Variants in DPP10 observed in about 807,000 individuals in gnomAD.
DPP10 encodes the protein inactive dipeptidyl peptidase 10.
A neutral mutation model predicts 120.9 loss-of-function variants in DPP10; 33 were observed. The observed-to-expected ratio is 0.27, with a 90% CI of 0.21 to 0.37. The LOEUF is 0.37. Among genes scored for constraint, DPP10 ranks in the 10% least tolerant of loss-of-function variants. The pLI, the probability that DPP10 is intolerant of heterozygous loss-of-function variation, is 1.00. For missense variants in DPP10, 816 were observed against 942.8 expected, an observed-to-expected ratio of 0.87 and a Z score of 1.76; for synonymous variants, 337 against 326.1, an observed-to-expected ratio of 1.03 and a Z score of -0.36.
At chr2:114,677,072 T>G (rs1411080948) in intron 1 of DPP10, among the ~76,000 whole-genome samples, 1 of 152,116 alleles carries the variant, frequency 6.6e-6, no homozygotes, top group Non-Finnish European at 1.5e-5. Context: ...GTCAATAATC[T>G]TAGCTACTAA....
chr2:114,535,162 C>A (rs1051216814), intron 1 of DPP10, among the ~76,000 whole-genome samples: 2 of 151,460 alleles, frequency 1.3e-5, no homozygotes, highest in African/African-American at 4.8e-5. Flanking sequence ...ATGTGTTTAA[C>A]CTGTCATCTT....
At chr2:114,456,036 G>T (rs1037409987) in intron 1 of DPP10, among the ~76,000 whole-genome samples, 1 of 151,946 alleles carries the variant, frequency 6.6e-6, no homozygotes, top group Non-Finnish European at 1.5e-5. Context: ...AAATATACAG[G>T]CACTTGACTA....
intron 8 of DPP10, among the ~76,000 whole-genome samples, chr2:115,734,766 CAT>C (rs1032486315): frequency 6.7e-6 from 1 of 150,296 alleles, no homozygotes; most frequent in African/African-American, 2.5e-5. Flanking sequence ...CTGAATGTGT[CAT>C]GTGTATAACT....
chr2:115,184,919 A>G (rs2054328545), intron 1 of DPP10, among the ~76,000 whole-genome samples: 1 of 152,244 alleles, frequency 6.6e-6, no homozygotes, highest in South Asian at 2.1e-4. Context: ...ATAATGTGAG[A>G]GTCAAGAAGA....
At chr2:115,585,883 C>G (rs1193524516) in intron 5 of DPP10, among the ~76,000 whole-genome samples, 1 of 152,112 alleles carries the variant, frequency 6.6e-6, no homozygotes, top group Non-Finnish European at 1.5e-5. Flanking sequence ...TAACGTATAT[C>G]CTGGAAATTG....
intron 1 of DPP10, among the ~76,000 whole-genome samples, chr2:115,006,713 T>C (rs1375861760): frequency 1.3e-5 from 2 of 151,822 alleles, no homozygotes; most frequent in African/African-American, 4.8e-5. Flanking sequence ...CCCAGATTCA[T>C]AAAGCAAGTC....
At chr2:114,984,608 A>G (rs1156693246) in intron 1 of DPP10, among the ~76,000 whole-genome samples, 1 of 152,172 alleles carries the variant, frequency 6.6e-6, no homozygotes, top group Non-Finnish European at 1.5e-5. Flanking sequence ...CTTGGGAAAC[A>G]TAGCAAAAAC....
intron 4 of DPP10, among the ~76,000 whole-genome samples, chr2:115,519,680 A>C (rs1205946340): frequency 2.0e-5 from 3 of 152,294 alleles, no homozygotes; most frequent in Admixed American, 6.5e-5. Context: ...CCAGACAGTG[A>C]AAGAGAGTGT....
At chr2:114,924,978 G>A (rs756339199) in intron 1 of DPP10, among the ~76,000 whole-genome samples, 9 of 151,862 alleles carry the variant, frequency 5.9e-5, no homozygotes, top group Non-Finnish European at 1.0e-4. Flanking sequence ...TTGGGAGGCC[G>A]AGGGGGGCTA....
At chr2:114,881,253 G>A (rs943325812) in intron 1 of DPP10, among the ~76,000 whole-genome samples, 2 of 152,190 alleles carry the variant, frequency 1.3e-5, no homozygotes, top group African/African-American at 4.8e-5. Flanking sequence ...ATTGGCTGGG[G>A]CAATGGGAGC....
intron 2 of DPP10, among the ~76,000 whole-genome samples, chr2:115,334,520 T>G (rs1214563697): frequency 1.3e-5 from 2 of 151,794 alleles, no homozygotes; most frequent in Non-Finnish European, 2.9e-5. Flanking sequence ...TTGGAACTTA[T>G]AAAGTCAACA....
chr2:114,645,001 C>G (rs565408290), intron 1 of DPP10, among the ~76,000 whole-genome samples: 1 of 151,850 alleles, frequency 6.6e-6, no homozygotes, highest in South Asian at 2.1e-4. Context: ...TTTGTATATA[C>G]TGAGCAAACT....
At chr2:114,570,413 T>C (rs1475367974) in intron 1 of DPP10, among the ~76,000 whole-genome samples, 1 of 152,142 alleles carries the variant, frequency 6.6e-6, no homozygotes, top group Non-Finnish European at 1.5e-5. Context: ...AGAAGCTGTC[T>C]GACTAGATGT....
intron 3 of DPP10, among the ~76,000 whole-genome samples, chr2:115,478,961 T>G (rs545481895): frequency 5.6e-4 from 86 of 152,280 alleles, no homozygotes; most frequent in African/African-American, 1.9e-3. Flanking sequence ...GGTGGGAATG[T>G]AAAATATTAT....
chr2:115,368,258 G>C (rs139483070), intron 3 of DPP10, among the ~76,000 whole-genome samples: 265 of 152,224 alleles, frequency 1.7e-3, no homozygotes, highest in African/African-American at 5.9e-3. Context: ...GGGACAGGAA[G>C]TCTACAGTGT....
intron 1 of DPP10, among the ~76,000 whole-genome samples, chr2:114,858,932 A>G (rs1017458517): frequency 6.6e-6 from 1 of 152,148 alleles, no homozygotes; most frequent in African/African-American, 2.4e-5. Context: ...CCCCACATGG[A>G]GTCTATCTGC....
chr2:115,463,034 A>T (rs753680699), intron 3 of DPP10, among the ~76,000 whole-genome samples: 1 of 152,088 alleles, frequency 6.6e-6, no homozygotes, highest in Non-Finnish European at 1.5e-5. Context: ...CCAGCCTATA[A>T]TTTTTAATTA....
rs544097256 is a variant in DPP10, at chr2:114,777,132, C to T, written c.60+334294C>T. Among the ~76,000 whole-genome samples, 4 of 152,070 alleles carry T rather than the reference C, an allele frequency of 2.6e-5. No homozygotes were observed. The South Asian group carries it at 6.2e-4, about 24-fold the overall frequency. On this transcript the variant is annotated intron_variant, in intron 1 of 25. Coordinates refer to ENST00000410059, the MANE Select transcript of DPP10 (RefSeq NM_020868.6). ...TTTATTCAGAAGTAAATGAAATGTA[C>T]TCTTTGAGAATGGGTATATTTTATT...
At chr2:115,546,997 T>A (rs528421625) in intron 5 of DPP10, among the ~76,000 whole-genome samples, 2 of 152,282 alleles carry the variant, frequency 1.3e-5, no homozygotes, top group Non-Finnish European at 2.9e-5. Context: ...TGATATGGAA[T>A]CCTTAGAAGC....
Sources: allele counts gnomAD v4.1 joint callset (sites outside exome capture counted in the v4.1 genomes callset), GRCh38; gene constraint gnomAD v4.1.1; transcripts MANE v1.5; gene names NCBI Gene and HGNC (gene_info 2026-07-23, HGNC 2026-07-21).